AMD1: variants seen among roughly 807,000 people sequenced by gnomAD.
AMD1 encodes the protein adenosylmethionine decarboxylase 1.
Under a neutral mutation model 40.2 loss-of-function variants are expected in AMD1, and 11 were observed. That is an observed-to-expected ratio of 0.27 (90% CI 0.17 to 0.45). The LOEUF (loss-of-function observed/expected upper bound fraction) is 0.45. AMD1 is among the 20% of genes least tolerant of loss of function. The pLI is 1.00. For synonymous variants in AMD1, 121 were observed against 130.8 expected (o/e 0.93, Z 0.51); for missense variants, 257 against 410.2 (o/e 0.63, Z 3.23).
the AMD1 span, among the ~76,000 whole-genome samples, chr6:110,868,155 T>C: frequency 0.011 from 1,659 of 151,782 alleles, 22 homozygotes; most frequent in Non-Finnish European, 0.017. Context: ...ATTATTATTA[T>C]TATTATTTTT....
At chr6:110,886,101 A>C (rs1393374760) in intron 1 of AMD1, among the ~76,000 whole-genome samples, 1 of 152,012 alleles carries the variant, frequency 6.6e-6, no homozygotes, top group Non-Finnish European at 1.5e-5. Flanking sequence ...CTAAAAATAC[A>C]AAAATTAGCC....
intron 6 of AMD1, 57 bp downstream of exon 6, chr6:110,892,500 A>AT: frequency 6.3e-7 from 1 of 1,596,862 alleles, no homozygotes; most frequent in South Asian, 1.1e-5. Context: ...ACTAAATTTT[A>AT]TTTTTCATTC....
chr6:110,880,042 G>A (rs990854095), intron 1 of AMD1, among the ~76,000 whole-genome samples: 4 of 151,334 alleles, frequency 2.6e-5, no homozygotes, highest in African/African-American at 7.3e-5. Flanking sequence ...TGCAACCTCC[G>A]CCTCCCAGGT....
chr6:110,892,766 C>G lies in AMD1; in HGVS notation c.647C>G (p.Ser216Cys). Residue 216 changes from serine (S) to cysteine (C), a missense_variant, in exon 7 of 9, where the codon TCT becomes TGT. Around this residue, in one of 3 missense-constraint regions of AMD1, gnomAD observed 192 missense variants for 296.5 expected, o/e 0.65. Transcript: ENST00000368885. ...ESGIRDLIPG[S>C]VIDATMFNPC... The stretch of plus-strand genomic sequence containing the variant: ...GGAATTCGTGACCTGATACCAGGTT[C>G]TGTCATTGATGCCACAATGTTCAAT... 6.2e-7 allele frequency: 1 copy of G among 1,613,400 alleles called. No individual in the cohort carries two copies. Among genetic ancestry groups the G allele is most frequent in the Non-Finnish European group, 8.5e-7 (1 of 1,179,764 alleles).
At chr6:110,854,391 T>C in the AMD1 span, among the ~76,000 whole-genome samples, 2 of 152,092 alleles carry the variant, frequency 1.3e-5, no homozygotes, top group Non-Finnish European at 2.9e-5. Flanking sequence ...GGCAGCAAGG[T>C]GCATGAAAAG....
At chr6:110,889,320 C>CT (rs1391293280) in intron 3 of AMD1, 1 of 169,726 alleles carries the variant, frequency 5.9e-6, no homozygotes, top group Non-Finnish European at 1.3e-5. Context: ...ATTGTCCAGT[C>CT]TTTATAATGA....
intron 1 of AMD1, among the ~76,000 whole-genome samples, chr6:110,876,352 C>T (rs1785115667): frequency 6.6e-6 from 1 of 152,164 alleles, no homozygotes; most frequent in African/African-American, 2.4e-5. Context: ...ACTGGCGTGG[C>T]CAGCTTCATT....
At chr6:110,892,504 T>C (rs1463965134) in intron 6 of AMD1, 61 bp downstream of exon 6, 3 of 1,595,800 alleles carry the variant, frequency 1.9e-6, no homozygotes, top group Non-Finnish European at 2.6e-6. Flanking sequence ...AATTTTATTT[T>C]TCATTCTGTA....
intron 2 of AMD1, chr6:110,888,649 C>A: frequency 2.6e-6 from 1 of 382,776 alleles, no homozygotes; most frequent in Non-Finnish European, 4.7e-6. Context: ...TATGAATATA[C>A]GAATGTTTAT....
At chr6:110,860,884 A>G in the AMD1 span, among the ~76,000 whole-genome samples, 5,422 of 146,326 alleles carry the variant, frequency 0.037, 130 homozygotes, top group Middle Eastern at 0.072. Flanking sequence ...GAGAGAGAAC[A>G]ATCACATTTT....
At chr6:110,843,761 G>GT in the AMD1 span, among the ~76,000 whole-genome samples, 15 of 151,460 alleles carry the variant, frequency 9.9e-5, no homozygotes, top group South Asian at 6.3e-4. Flanking sequence ...AATTTTTGTA[G>GT]TTTTTTTTGT....
chr6:110,841,607 C>A, the AMD1 span, among the ~76,000 whole-genome samples: 2 of 151,690 alleles, frequency 1.3e-5, no homozygotes, highest in Non-Finnish European at 1.5e-5. Context: ...TTAGATTGTG[C>A]GGTCTGGCTC....
At chr6:110,860,353 A>G in the AMD1 span, among the ~76,000 whole-genome samples, 1 of 152,222 alleles carries the variant, frequency 6.6e-6, no homozygotes, top group Non-Finnish European at 1.5e-5. Context: ...GAAATAATAT[A>G]TTTATACTCA....
chr6:110,817,024 T>C, the AMD1 span, among the ~76,000 whole-genome samples: 1 of 152,190 alleles, frequency 6.6e-6, no homozygotes, highest in East Asian at 1.9e-4. Flanking sequence ...TGGTATCAAT[T>C]TAGTTTATAG....
At chr6:110,889,548 AT>A (rs1785892500) in intron 3 of AMD1, 1 of 152,282 alleles carries the variant, frequency 6.6e-6, no homozygotes, top group Admixed American at 6.5e-5. Flanking sequence ...GGTTCAAGTG[AT>A]TCTCCTGCCT....
At chr6:110,846,111 C>T in the AMD1 span, among the ~76,000 whole-genome samples, 3 of 151,900 alleles carry the variant, frequency 2.0e-5, no homozygotes, top group African/African-American at 4.8e-5. Context: ...TGGTGGTGCA[C>T]GCATGTAATC....
At chr6:110,890,908 AGATT>A (rs1472619236) in intron 4 of AMD1, 1 of 152,230 alleles carries the variant, frequency 6.6e-6, no homozygotes, top group African/African-American at 2.4e-5. Flanking sequence ...TTTTTAGTTA[AGATT>A]AATAGCTTAT....
In AMD1 at chr6:110,874,906, T is replaced by C; in HGVS notation, c.-200T>C. The C allele has an allele frequency of 7.1e-6, 4 of 562,372 alleles. No homozygotes were observed. The highest frequency in any genetic ancestry group is 1.3e-5 in the Non-Finnish European group (4 of 317,008). 34.8% of individuals were successfully genotyped at this position (562,372 alleles called of 1,614,324 possible). On this transcript the variant is annotated 5_prime_UTR_variant, in exon 1 of 9. Transcript: ENST00000368885. Reference sequence around the variant, plus strand: ...TATTTCCAAAAGACTCACGTTCAACTTTCGCTCACACAAAGCCGGGAAAAT... The same window carrying C: ...TATTTCCAAAAGACTCACGTTCAACCTTCGCTCACACAAAGCCGGGAAAAT...
At chr6:110,840,398 G>A in the AMD1 span, among the ~76,000 whole-genome samples, 3 of 152,154 alleles carry the variant, frequency 2.0e-5, no homozygotes, top group Non-Finnish European at 2.9e-5. Flanking sequence ...ACTTCTGATC[G>A]ACTGGCTTCA....
Sources: gnomAD v4.1 joint callset for allele counts (sites outside exome capture counted in the v4.1 genomes callset) on GRCh38, gnomAD v4.1.1 for gene constraint, gnomAD v4.1.1 regional missense constraint, MANE v1.5 for transcripts, NCBI Gene and HGNC (gene_info 2026-07-23, HGNC 2026-07-21) for gene names.